ITGAM: variants seen among roughly 807,000 people sequenced by gnomAD.
ITGAM encodes integrin alpha-M.
A neutral mutation model predicts 137.5 loss-of-function variants in ITGAM; 79 were observed. The observed-to-expected ratio is 0.57, with a 90% confidence interval of 0.48 to 0.69. The LOEUF (loss-of-function observed/expected upper bound fraction) is 0.69, where lower values mean the gene tolerates loss of function less well. Among genes scored for constraint, ITGAM ranks in the 30% least tolerant of loss-of-function variants. ITGAM has a pLI of 0.00. For missense variants in ITGAM, 1,343 were observed against 1,483.5 expected (o/e 0.91, Z 1.56); for synonymous variants, 583 against 592.3 (o/e 0.98, Z 0.23).
intron 14 of ITGAM, among the ~76,000 whole-genome samples, chr16:31,310,510 G>A (rs1020996922): frequency 2.1e-4 from 32 of 152,086 alleles, no homozygotes; most frequent in Non-Finnish European, 3.4e-4. Context: ...TTGTGCATTC[G>A]TCACGTAGTT....
chr16:31,328,936 G>A (rs2080544427), intron 23 of ITGAM: 2 of 531,304 alleles, frequency 3.8e-6, no homozygotes, highest in South Asian at 2.1e-5. Context: ...GCATGTATGT[G>A]TGCATGGGTG....
chr16:31,275,547 A>G lies in ITGAM; in HGVS notation c.859-2A>G, dbSNP rs944121718. 5.8e-5 allele frequency: 93 copies of G among 1,613,726 alleles called. No individual in the cohort carries two copies. Among genetic ancestry groups the G allele is most frequent in the Non-Finnish European group, 7.5e-5 (89 of 1,179,800 alleles). On this transcript the variant is annotated splice_acceptor_variant, in intron 8 of 29. Transcript: ENST00000544665. LOFTEE classifies it high-confidence loss of function. ...GATTTAGCCTCTGTTCCTTGGTAAC[A>G]GGTGGGAGATGCCTTCCGCAGTGAG...
intron 14 of ITGAM, among the ~76,000 whole-genome samples, chr16:31,307,438 G>A (rs1027221393): frequency 6.6e-6 from 1 of 152,050 alleles, no homozygotes; most frequent in Admixed American, 6.6e-5. Context: ...TCATGATTTG[G>A]CTCTCTGTTT....
intron 14 of ITGAM, among the ~76,000 whole-genome samples, chr16:31,305,595 G>A (rs2080256679): frequency 6.6e-6 from 1 of 152,104 alleles, no homozygotes; most frequent in African/African-American, 2.4e-5. Flanking sequence ...CTGTGCTTTT[G>A]TCAGATAATG....
chr16:31,302,518 T>TC (rs1288861647), intron 14 of ITGAM, among the ~76,000 whole-genome samples: 2 of 149,442 alleles, frequency 1.3e-5, no homozygotes, highest in African/African-American at 5.0e-5. Context: ...TTCTTTTTTT[T>TC]CTTTCTCTTT....
chr16:31,278,552 C>CA (rs2079934580), intron 12 of ITGAM, among the ~76,000 whole-genome samples: 2 of 152,138 alleles, frequency 1.3e-5, no homozygotes, highest in Non-Finnish European at 2.9e-5. Context: ...CTGCTCCAGC[C>CA]ATGCCCCTGC....
chr16:31,302,862 T>TTC (rs923664621), intron 14 of ITGAM, among the ~76,000 whole-genome samples: 2 of 151,230 alleles, frequency 1.3e-5, no homozygotes, highest in African/African-American at 2.4e-5. Context: ...TCTTCTTTCT[T>TTC]TCTCTCTCTC....
At chr16:31,306,990 A>G (rs1204725169) in intron 14 of ITGAM, among the ~76,000 whole-genome samples, 1 of 152,158 alleles carries the variant, frequency 6.6e-6, no homozygotes, top group Non-Finnish European at 1.5e-5. Context: ...GTGAGACTAA[A>G]AGTTGTGTCA....
chr16:31,322,276 G>A (rs1043200957), intron 16 of ITGAM, among the ~76,000 whole-genome samples: 9 of 152,110 alleles, frequency 5.9e-5, no homozygotes, highest in Non-Finnish European at 1.3e-4. Flanking sequence ...GGGCAACATA[G>A]CAAGACCCAT....
At chr16:31,285,514 G>A (rs1226481626) in intron 12 of ITGAM, among the ~76,000 whole-genome samples, 3 of 152,020 alleles carry the variant, frequency 2.0e-5, no homozygotes, top group Non-Finnish European at 4.4e-5. Context: ...GTGTGCATCT[G>A]TAATCCCAGC....
Position 31,278,076 on chromosome 16 carries a change from G to A in ITGAM, c.1323G>A (p.Met441Ile). The change falls in exon 12 of 30, where the codon ATG becomes ATA. Residue 441 changes from methionine to isoleucine, a missense_variant. Physicochemically the swap from Met to Ile is conservative, Grantham distance 10 (BLOSUM62 1). Coordinates refer to ENST00000544665, the MANE Select transcript of ITGAM (RefSeq NM_000632.4). Reference protein sequence around the residue: ...LVAMFRQNTGMWESNANVKGT... With the variant: ...LVAMFRQNTGIWESNANVKGT... Reference sequence around the variant, plus strand: ...CGATGTTCAGGCAGAACACTGGCATGTGGGAGTCCAACGCTAATGTCAAGG... The same window carrying A: ...CGATGTTCAGGCAGAACACTGGCATATGGGAGTCCAACGCTAATGTCAAGG... 6.2e-7 allele frequency: 1 copy of A among 1,608,724 alleles called. No individual in the cohort carries two copies. Among genetic ancestry groups the A allele is most frequent in the Non-Finnish European group, 8.5e-7 (1 of 1,177,672 alleles).
intron 23 of ITGAM, among the ~76,000 whole-genome samples, 193 bp downstream of exon 23, chr16:31,328,423 T>C (rs2080531820): frequency 6.6e-6 from 1 of 151,892 alleles, no homozygotes; most frequent in Non-Finnish European, 1.5e-5. Flanking sequence ...TTTGTGTGCA[T>C]GGACGTGTAT....
intron 14 of ITGAM, among the ~76,000 whole-genome samples, chr16:31,320,488 G>A (rs2080437650): frequency 6.6e-6 from 1 of 152,022 alleles, no homozygotes; most frequent in Non-Finnish European, 1.5e-5. Context: ...ACTTTAAAGA[G>A]TCAAAATAGT....
chr16:31,262,365 T>A lies in ITGAM; in HGVS notation c.134+568T>A, dbSNP rs959553215. The stretch of plus-strand genomic sequence containing the variant: ...CTTCCTTCCTTCCTTCCTTCCTTCC[T>A]TCCTTCCTTCCTTCCTTCCTTCCTT... On this transcript the variant is annotated intron_variant, in intron 2 of 29. Transcript: ENST00000544665. Among the ~76,000 whole-genome samples, 1,183 of 136,740 alleles carry A rather than the reference T, an allele frequency of 8.7e-3. 36 individuals carry two copies. Among genetic ancestry groups the A allele is most frequent in the African/African-American group, 0.031 (1,128 of 36,716 alleles). The allele number at this position is 136,740 out of a possible 152,430, so 89.7% of individuals were successfully genotyped here. A position where few individuals can be genotyped will look rare whatever the true frequency, so the allele number is the denominator to read the frequency against.
chr16:31,329,073 T>TTCCCCCTCCCCC, intron 23 of ITGAM, 155 bp from the exon 24 acceptor site: 1 of 426,234 alleles, frequency 2.3e-6, no homozygotes, highest in Non-Finnish European at 4.5e-6. Flanking sequence ...ACACATTGGT[T>TTCCCCCTCCCCC]CCCCCATCCC....
chr16:31,272,066 G>A, intron 7 of ITGAM, 74 bp downstream of exon 7: 1 of 1,579,310 alleles, frequency 6.3e-7, no homozygotes, highest in Non-Finnish European at 8.7e-7. Context: ...GATGAAGGGA[G>A]CCGTTCAGAC....
chr16:31,325,117 G>T, intron 19 of ITGAM, 86 bp downstream of exon 19: 2 of 1,452,090 alleles, frequency 1.4e-6, no homozygotes, highest in Non-Finnish European at 9.4e-7. Flanking sequence ...CAAGGGAGCC[G>T]GGTGTTCCTG....
chr16:31,261,804 C>G lies in ITGAM; in HGVS notation c.134+7C>G, dbSNP rs938268012. The G allele has an allele frequency of 1.3e-6, 2 of 1,587,984 alleles. No individual in the cohort carries two copies. The highest frequency in any genetic ancestry group is 1.7e-5 in the Admixed American group (1 of 59,304). ...TCCAGCTTCAGGGATCCAGGTGAGA[C>G]CCTTAGATGGAGCCCCCTTTCTCAG... On this transcript the variant is annotated splice_region_variant and intron_variant, in intron 2 of 29. Coordinates refer to ENST00000544665, the MANE Select transcript of ITGAM (RefSeq NM_000632.4).
At chr16:31,269,604 C>A (rs936803208) in intron 5 of ITGAM, among the ~76,000 whole-genome samples, 9 of 152,114 alleles carry the variant, frequency 5.9e-5, no homozygotes, top group Non-Finnish European at 1.0e-4. Flanking sequence ...GATTTATTTA[C>A]AAAGAGGGGG....
Sources: gnomAD v4.1 joint callset for allele counts (sites outside exome capture counted in the v4.1 genomes callset) on GRCh38, gnomAD v4.1.1 for gene constraint, MANE v1.5 for transcripts, NCBI Gene and HGNC (gene_info 2026-07-23, HGNC 2026-07-21) for gene names.